Variants in DMD observed in about 807,000 individuals in gnomAD.
DMD encodes the protein dystrophin, also known as mutant dystrophin.
A neutral mutation model predicts 330.1 loss-of-function variants in DMD; 63 were observed. The ratio of observed to expected loss-of-function variants is 0.19; its 90% CI spans 0.16 to 0.24. DMD has a LOEUF of 0.24. Among genes scored for constraint, DMD ranks in the 10% least tolerant of loss-of-function variants. The pLI, the probability that DMD is intolerant of heterozygous loss-of-function variation, is 1.00. For missense variants in DMD, 3,344 were observed against 2,684.1 expected (o/e 1.25, Z -5.43); for synonymous variants, 1,223 against 959.8 (o/e 1.27, Z -5.07).
chrX:32,407,426 C>A (rs2098122491), intron 30 of DMD, among the ~76,000 whole-genome samples: 1 of 111,385 alleles, frequency 9.0e-6, no homozygotes, highest in South Asian at 3.8e-4. Flanking sequence ...CAACGAGATA[C>A]CATCTCACAC....
At chrX:32,879,018 C>CAAAAAAA (rs1201402428) in intron 2 of DMD, among the ~76,000 whole-genome samples, 3 of 95,351 alleles carry the variant, frequency 3.1e-5, no homozygotes, top group African/African-American at 1.2e-4. Flanking sequence ...AAAAAAAAAA[C>CAAAAAAA]AAAAAACAAA....
chrX:31,405,093 T>G (rs2061352645), intron 60 of DMD, among the ~76,000 whole-genome samples: 1 of 111,925 alleles, frequency 8.9e-6, no homozygotes, highest in Non-Finnish European at 1.9e-5. Flanking sequence ...CGGAGAGTTC[T>G]GGGAAACAAT....
At chrX:31,947,560 G>T (rs1345239744) in intron 45 of DMD, among the ~76,000 whole-genome samples, 1 of 112,298 alleles carries the variant, frequency 8.9e-6, no homozygotes, top group East Asian at 2.8e-4. Flanking sequence ...GTGCAAAAGC[G>T]ATACACATTT....
intron 67 of DMD, among the ~76,000 whole-genome samples, chrX:31,197,287 G>T (rs2042996098): frequency 8.9e-6 from 1 of 111,840 alleles, no homozygotes. Flanking sequence ...CACTTCTCCA[G>T]ATATTCTGGA....
rs753939583 is a variant in DMD at position 31,879,214 on chromosome X, G to T, written c.6913-3841C>A. ...GGACTCACCATTCTACATGGCGGGGGGGGGCCTCACAATCATGGCAGAAGG... is the reference window on the plus strand; with the variant it reads ...GGACTCACCATTCTACATGGCGGGGTGGGGCCTCACAATCATGGCAGAAGG... On this transcript the variant is annotated intron_variant, in intron 47 of 78. Transcript: ENST00000357033. 2.3e-3 allele frequency among the ~76,000 whole-genome samples: 229 copies of T among 101,533 alleles called. 2 individuals carry two copies. Among genetic ancestry groups the T allele is most frequent in the African/African-American group, 7.5e-3 (213 of 28,225 alleles). The allele number at this position is 101,533 out of a possible 115,157, so 88.2% of individuals were successfully genotyped here.
chrX:32,475,469 A>T lies in DMD; in HGVS notation c.2804-3160T>A, dbSNP rs185175424. On this transcript the variant is annotated intron_variant, in intron 21 of 78. Coordinates refer to ENST00000357033, the MANE Select transcript of DMD (RefSeq NM_004006.3). ...CAGTATGGTCATTTTCACAATACTG[A>T]TTGTACCCATCCACGACTATGGGAT... 2.5e-4 allele frequency among the ~76,000 whole-genome samples: 28 copies of T among 111,472 alleles called. No individual in the cohort carries two copies. In the East Asian group the frequency reaches 7.4e-3, roughly 29 times the overall value.
chrX:32,520,180 T>A (rs1603635384), intron 17 of DMD, among the ~76,000 whole-genome samples: 1 of 111,825 alleles, frequency 8.9e-6, no homozygotes, highest in East Asian at 2.8e-4. Flanking sequence ...TCCTACATTT[T>A]TTATCCACAA....
In DMD at chrX:32,547,365, C is replaced by T. The variant is rs144786500; in HGVS notation, c.1993-2031G>A. Among the ~76,000 whole-genome samples the T allele has an allele frequency of 1.8e-3, 194 of 110,520 alleles. 1 individual carries two copies. The highest frequency in any genetic ancestry group is 5.5e-3 in the African/African-American group (167 of 30,540). On this transcript the variant is annotated intron_variant, in intron 16 of 78. Transcript: ENST00000357033. ...AATGACAACATGATATACTGTGAAG[C>T]GGCATTTAAAAATATACTCAACCTT...
chrX:32,095,211 G>A (rs1165571418), intron 44 of DMD, among the ~76,000 whole-genome samples: 1 of 111,245 alleles, frequency 9.0e-6, no homozygotes, highest in African/African-American at 3.3e-5. Flanking sequence ...CCACTGCCTC[G>A]AGCTACTTCC....
rs1022962744 is a variant in DMD at position 33,196,693 on chromosome X, T to C, written c.31+14589A>G. Among the ~76,000 whole-genome samples the C allele has an allele frequency of 2.7e-5, 3 of 111,825 alleles. No individual in the cohort carries two copies. In the East Asian group the frequency reaches 8.4e-4, roughly 31 times the overall value. On this transcript the variant is annotated intron_variant, in intron 1 of 78. Coordinates refer to ENST00000357033, the MANE Select transcript of DMD (RefSeq NM_004006.3). Reference sequence around the variant, plus strand: ...AACACTTTGACCCTCACCAAGAAACTTTATATATCCCCCTTTTAAAGCCAA... The same window carrying C: ...AACACTTTGACCCTCACCAAGAAACCTTATATATCCCCCTTTTAAAGCCAA...
chrX:33,177,965 G>C (rs1297533450), intron 1 of DMD, among the ~76,000 whole-genome samples: 1 of 111,976 alleles, frequency 8.9e-6, no homozygotes, highest in Non-Finnish European at 1.9e-5. Context: ...TTTCTCCAAG[G>C]GTTCCAAACT....
intron 29 of DMD, among the ~76,000 whole-genome samples, chrX:32,431,698 T>G (rs1244481243): frequency 1.8e-5 from 2 of 111,856 alleles, no homozygotes; most frequent in Non-Finnish European, 3.8e-5. Context: ...TTTATTCCAT[T>G]TTTACAATGT....
At chrX:32,939,301 A>G (rs1256143955) in intron 2 of DMD, among the ~76,000 whole-genome samples, 1 of 109,013 alleles carries the variant, frequency 9.2e-6, no homozygotes, top group African/African-American at 3.3e-5. Context: ...ATATATATGC[A>G]GGAAGAAGTG....
At chrX:32,094,165 A>G (rs2096492001) in intron 44 of DMD, among the ~76,000 whole-genome samples, 1 of 112,211 alleles carries the variant, frequency 8.9e-6, no homozygotes, top group African/African-American at 3.2e-5. Context: ...AACGTTTGTT[A>G]ACACATTAAA....
intron 44 of DMD, among the ~76,000 whole-genome samples, chrX:32,098,955 C>T (rs1569542469): frequency 8.9e-6 from 1 of 111,821 alleles, no homozygotes; most frequent in East Asian, 2.8e-4. Context: ...GTTCCAGAAT[C>T]GTCATCTTTA....
chrX:31,765,422 G>C (rs2089928449), intron 51 of DMD, among the ~76,000 whole-genome samples: 1 of 111,271 alleles, frequency 9.0e-6, no homozygotes, highest in African/African-American at 3.3e-5. Flanking sequence ...TTCCCTAAGA[G>C]CAGATAACAC....
At chrX:31,470,620 C>T (rs763009225) in intron 59 of DMD, among the ~76,000 whole-genome samples, 12 of 112,130 alleles carry the variant, frequency 1.1e-4, no homozygotes, top group African/African-American at 3.2e-4. Context: ...TCAGGAGGCA[C>T]GGGGGTCAGG....
intron 1 of DMD, among the ~76,000 whole-genome samples, chrX:33,277,724 T>C (rs1439365187): frequency 4.5e-5 from 5 of 111,591 alleles, no homozygotes; most frequent in African/African-American, 1.3e-4. Flanking sequence ...GCTATATCTA[T>C]GGATCCAGCC....
At position 32,645,047 on chromosome X, in the gene DMD, G is replaced by A. The variant is rs199981454; in HGVS notation, c.1066C>T (p.Leu356Phe). Reference sequence around the variant, plus strand: ...GCTTGCAATGTGTCCTCAGCAGAAAGAAGCCACGATAATACTTCTTCTAAA... The same window carrying A: ...GCTTGCAATGTGTCCTCAGCAGAAAAAAGCCACGATAATACTTCTTCTAAA... ...TALEEVLSWL[L>F]SAEDTLQAQG... The change falls in exon 10 of 79, where the codon CTT (leucine) becomes TTT (phenylalanine). Residue 356 changes from leucine to phenylalanine, a missense_variant. Leu to Phe is a conservative substitution (Grantham distance 22). Coordinates refer to ENST00000357033, the MANE Select transcript of DMD (RefSeq NM_004006.3). The A allele has an allele frequency of 9.8e-5, 119 of 1,209,960 alleles. No homozygotes were observed. Among genetic ancestry groups the A allele is most frequent in the Non-Finnish European group, 1.3e-4 (117 of 895,267 alleles).
Sources: allele counts gnomAD v4.1 joint callset (sites outside exome capture counted in the v4.1 genomes callset), GRCh38; gene constraint gnomAD v4.1.1; transcripts MANE v1.5; gene names NCBI Gene and HGNC (gene_info 2026-07-23, HGNC 2026-07-21).